Variants in USP12 observed in about 807,000 individuals in gnomAD.
The protein encoded by USP12 is ubiquitin specific peptidase 12.
USP12 carries 19 observed loss-of-function variants against 45.5 expected under a neutral mutation model. The ratio of observed to expected loss-of-function variants is 0.42; its 90% CI spans 0.29 to 0.61. The LOEUF is 0.61. Among genes scored for constraint, USP12 ranks in the 20% least tolerant of loss-of-function variants. USP12 has a pLI of 0.22. For synonymous variants in USP12, 149 were observed against 148.8 expected (o/e 1.00, Z -0.01); for missense variants, 242 against 447.7 (o/e 0.54, Z 4.15).
intron 1 of USP12, chr13:27,117,920 G>C (rs1875818881): frequency 4.7e-6 from 2 of 421,192 alleles, no homozygotes; most frequent in Admixed American, 2.3e-5. Flanking sequence ...CAACTAAACA[G>C]ATTCTAAAAT....
At chr13:27,144,499 TAAAAAAAAA>T (rs56311173) in intron 1 of USP12, among the ~76,000 whole-genome samples, 2 of 118,072 alleles carry the variant, frequency 1.7e-5, no homozygotes, top group South Asian at 2.7e-4. Context: ...AGACTCTCTT[TAAAAAAAAA>T]AAAAAAAAAA....
intron 1 of USP12, among the ~76,000 whole-genome samples, chr13:27,123,364 T>G (rs1876088093): frequency 6.6e-6 from 1 of 152,190 alleles, no homozygotes; most frequent in Admixed American, 6.5e-5. Flanking sequence ...TCTTCCAATT[T>G]CATTAAAACA....
intron 6 of USP12, 84 bp downstream of exon 6, chr13:27,089,799 T>C (rs985062677): frequency 1.5e-6 from 2 of 1,337,962 alleles, no homozygotes; most frequent in Non-Finnish European, 2.1e-6. Flanking sequence ...ATGTAAATTT[T>C]CCTAGATTGT....
At chr13:27,140,137 T>TA (rs1491205174) in intron 1 of USP12, among the ~76,000 whole-genome samples, 1 of 149,804 alleles carries the variant, frequency 6.7e-6, no homozygotes, top group African/African-American at 2.5e-5. Flanking sequence ...CCCAAAATAG[T>TA]TTTTTTTCCC....
chr13:27,093,776 G>A (rs1874430373), intron 4 of USP12, among the ~76,000 whole-genome samples: 1 of 152,200 alleles, frequency 6.6e-6, no homozygotes, highest in Non-Finnish European at 1.5e-5. Flanking sequence ...CAACCAAGAC[G>A]TCCTTCAGTA....
At chr13:27,080,352 A>C (rs1167394072) in intron 6 of USP12, among the ~76,000 whole-genome samples, 2 of 152,240 alleles carry the variant, frequency 1.3e-5, no homozygotes, top group African/African-American at 4.8e-5. Context: ...CAGGGGAATA[A>C]GATATGGATC....
At chr13:27,149,529 T>A (rs1001781418) in intron 1 of USP12, among the ~76,000 whole-genome samples, 3 of 152,236 alleles carry the variant, frequency 2.0e-5, no homozygotes, top group Middle Eastern at 3.4e-3. Flanking sequence ...TTCAGCAAGG[T>A]TGCGGGTTCT....
chr13:27,078,616 T>G (rs1873602503), intron 6 of USP12, among the ~76,000 whole-genome samples: 1 of 151,482 alleles, frequency 6.6e-6, no homozygotes, highest in South Asian at 2.1e-4. Flanking sequence ...CTGGCTATAC[T>G]AATGTCAGAC....
At chr13:27,090,952 G>A (rs1219131120) in intron 4 of USP12, among the ~76,000 whole-genome samples, 1 of 152,176 alleles carries the variant, frequency 6.6e-6, no homozygotes, top group Non-Finnish European at 1.5e-5. Flanking sequence ...AAGGTACTGT[G>A]CATAGTGTAT....
intron 1 of USP12, among the ~76,000 whole-genome samples, chr13:27,134,135 C>T (rs1056614241): frequency 5.9e-5 from 9 of 152,122 alleles, no homozygotes; most frequent in African/African-American, 1.7e-4. Flanking sequence ...CAGAGCCAGA[C>T]CCTGTGAAAA....
At chr13:27,127,989 A>T (rs756195144) in intron 1 of USP12, among the ~76,000 whole-genome samples, 1 of 152,228 alleles carries the variant, frequency 6.6e-6, no homozygotes, top group Non-Finnish European at 1.5e-5. Flanking sequence ...TTCCTATTAG[A>T]CATGTCAAAA....
intron 6 of USP12, among the ~76,000 whole-genome samples, chr13:27,086,541 A>G (rs761158853): frequency 6.6e-6 from 1 of 152,078 alleles, no homozygotes; most frequent in African/African-American, 2.4e-5. Context: ...TTTAATTACA[A>G]AGAATATACA....
At position 27,171,708 on chromosome 13, in the gene USP12, C is replaced by G. The variant is rs2137857112; in HGVS notation, c.-69G>C. The G allele has an allele frequency of 9.7e-7, 1 of 1,033,924 alleles. No homozygotes were observed. Among genetic ancestry groups the G allele is most frequent in the Non-Finnish European group, 1.2e-6 (1 of 820,606 alleles). The allele number at this position is 1,033,924 out of a possible 1,614,324, so 64.0% of individuals were successfully genotyped here. A position where few individuals can be genotyped will look rare whatever the true frequency, so the allele number is the denominator to read the frequency against. ...GCGGGGGAGGAGGGGAGCCGGGCCG[C>G]CCGCTCGCACCGCAGCCCGCGGGCG... On this transcript the variant is annotated 5_prime_UTR_variant, in exon 1 of 9. Coordinates refer to ENST00000282344, the MANE Select transcript of USP12 (RefSeq NM_182488.4).
chr13:27,086,036 G>C (rs1873995777), intron 6 of USP12, among the ~76,000 whole-genome samples: 1 of 151,324 alleles, frequency 6.6e-6, no homozygotes, highest in Non-Finnish European at 1.5e-5. Context: ...CAGGCACGGT[G>C]GCACACATCT....
At chr13:27,085,764 C>T (rs370875187) in intron 6 of USP12, among the ~76,000 whole-genome samples, 19 of 151,898 alleles carry the variant, frequency 1.3e-4, no homozygotes, top group African/African-American at 3.4e-4. Context: ...TGTGTATATA[C>T]ACACAAAACT....
intron 1 of USP12, among the ~76,000 whole-genome samples, chr13:27,152,770 G>A (rs1877631792): frequency 6.6e-6 from 1 of 151,642 alleles, no homozygotes; most frequent in Non-Finnish European, 1.5e-5. Flanking sequence ...GTGAAACCCC[G>A]TCTCTACTAA....
At position 27,171,683 on chromosome 13, in the gene USP12, GC is replaced by G; in HGVS notation, c.-45del. ...CACCCAATCACAGCGGCGGCGGCGGGCGGGGGAGGAGGGGAGCCGGGCCGCC... is the reference window on the plus strand; with the variant it reads ...CACCCAATCACAGCGGCGGCGGCGGGGGGGGAGGAGGGGAGCCGGGCCGCC... On this transcript the variant is annotated 5_prime_UTR_variant, in exon 1 of 9. Coordinates refer to ENST00000282344, the MANE Select transcript of USP12 (RefSeq NM_182488.4). The G allele has an allele frequency of 8.3e-7, 1 of 1,206,042 alleles. No homozygotes were observed. Among genetic ancestry groups the G allele is most frequent in the South Asian group, 1.6e-5 (1 of 62,376 alleles). The allele number at this position is 1,206,042 out of a possible 1,614,324, so 74.7% of individuals were successfully genotyped here.
intron 7 of USP12, 144 bp downstream of exon 7, chr13:27,075,046 TA>T: frequency 1.5e-6 from 1 of 676,696 alleles, no homozygotes; most frequent in Non-Finnish European, 2.2e-6. Context: ...AACATAAAGC[TA>T]AAACTCCATT....
At chr13:27,167,203 G>A (rs374297228) in intron 1 of USP12, among the ~76,000 whole-genome samples, 8 of 151,798 alleles carry the variant, frequency 5.3e-5, no homozygotes, top group East Asian at 1.9e-4. Flanking sequence ...TGGAGGTTGC[G>A]GTGAGCCAAG....
Sources: gnomAD v4.1 joint callset for allele counts (sites outside exome capture counted in the v4.1 genomes callset) on GRCh38, gnomAD v4.1.1 for gene constraint, MANE v1.5 for transcripts, NCBI Gene and HGNC (gene_info 2026-07-23, HGNC 2026-07-21) for gene names.